Variants in GZF1 observed in about 807,000 individuals in gnomAD.
The protein encoded by GZF1 is GDNF-inducible zinc finger protein 1.
In GZF1, 28 loss-of-function variants were observed where a neutral mutation model predicts 49.4. The observed-to-expected ratio is 0.57, with a 90% CI of 0.42 to 0.78. GZF1 has a LOEUF of 0.78. Among genes scored for constraint, GZF1 ranks in the 30% least tolerant of loss-of-function variants. The pLI is 0.00. For missense variants in GZF1, 798 were observed against 916.2 expected (o/e 0.87, Z 1.67); for synonymous variants, 364 against 356.0 (o/e 1.02, Z -0.25).
At position 23,365,117 on chromosome 20, in the gene GZF1, G is replaced by A. The variant is rs749135517; in HGVS notation, c.734G>A (p.Arg245Gln). ...IPKKKYTRRL[R>Q]EQQKTAEGDV... ...AAAAAGAAATATACGAGAAGACTCCGAGAGCAGCAGAAAACTGCTGAGGGT... is the reference window on the plus strand; with the variant it reads ...AAAAAGAAATATACGAGAAGACTCCAAGAGCAGCAGAAAACTGCTGAGGGT... The change falls in exon 2 of 6, where the codon CGA becomes CAA. Residue 245 changes from arginine (R) to glutamine (Q), a missense_variant. This residue lies in a region of GZF1 where 247 missense variants were observed against 228.5 expected (regional missense o/e 1.08). Transcript: ENST00000338121. The A allele has an allele frequency of 1.1e-5, 18 of 1,614,002 alleles. No individual in the cohort carries two copies. Among genetic ancestry groups the A allele is most frequent in the Non-Finnish European group, 1.5e-5 (18 of 1,180,036 alleles).
chr20:23,369,346 T>A (rs1418293584), intron 4 of GZF1, among the ~76,000 whole-genome samples: 2 of 152,226 alleles, frequency 1.3e-5, no homozygotes, highest in African/African-American at 4.8e-5. Context: ...ATTCCTATAG[T>A]TATAATACCT....
Position 23,364,922 on chromosome 20 carries a change from C to G in GZF1, c.539C>G (p.Ser180Cys), listed in dbSNP as rs760991420. ...CCTCACCCCAGTGGTCTCACGGATTCCTTGGACTACCCAGGAGAGAGAGCC... is the reference window on the plus strand; with the variant it reads ...CCTCACCCCAGTGGTCTCACGGATTGCTTGGACTACCCAGGAGAGAGAGCC... ...DGPHPSGLTD[S>C]LDYPGERASN... The change falls in exon 2 of 6, where the codon TCC (serine) becomes TGC (cysteine). Residue 180 changes from serine to cysteine, a missense_variant. Ser to Cys is a moderately radical substitution (Grantham distance 112). Around this residue, in one of 3 missense-constraint regions of GZF1, gnomAD observed 247 missense variants for 228.5 expected, o/e 1.08. Coordinates refer to ENST00000338121, the MANE Select transcript of GZF1 (RefSeq NM_022482.5). 3.1e-6 allele frequency: 5 copies of G among 1,614,204 alleles called. No individual in the cohort carries two copies. The South Asian group carries it at 5.5e-5, about 18-fold the overall frequency.
At position 23,371,053 on chromosome 20, in the gene GZF1, C is replaced by CT. The variant is rs1810367098; in HGVS notation, c.*613dup. Reference sequence around the variant, plus strand: ...TTTGTAGGCAGTAAACAAAGTATGACTGACAGATTGAACACCTGCAAAACT... The same window carrying CT: ...TTTGTAGGCAGTAAACAAAGTATGACTTGACAGATTGAACACCTGCAAAACT... On this transcript the variant is annotated 3_prime_UTR_variant, in exon 6 of 6. Transcript: ENST00000338121. 1.3e-5 allele frequency: 2 copies of CT among 152,950 alleles called. No individual in the cohort carries two copies. The highest frequency in any genetic ancestry group is 1.3e-4 in the Admixed American group (2 of 15,278). The allele number at this position is 152,950 out of a possible 1,614,324, so 9.5% of individuals were successfully genotyped here. A position where few individuals can be genotyped will look rare whatever the true frequency, so the allele number is the denominator to read the frequency against.
intron 2 of GZF1, 87 bp downstream of exon 2, chr20:23,365,834 G>A: frequency 2.8e-6 from 4 of 1,428,304 alleles, no homozygotes; most frequent in Non-Finnish European, 3.7e-6. Flanking sequence ...ATGTCTCACT[G>A]CTTAATTTCT....
chr20:23,365,161 T>A lies in GZF1; in HGVS notation c.778T>A (p.Cys260Ser), dbSNP rs776851115. The A allele has an allele frequency of 1.2e-6, 2 of 1,613,532 alleles. No homozygotes were observed. Among genetic ancestry groups the A allele is most frequent in the Non-Finnish European group, 1.7e-6 (2 of 1,179,868 alleles). ...TGAGGGTGATGTGGGGGACTACAGG[T>A]GTCCCCAGGACCAAAGCCCGGACAG... ...TAEGDVGDYR[C>S]PQDQSPDRVG... The change falls in exon 2 of 6, where the codon TGT (cysteine) becomes AGT (serine). Residue 260 changes from cysteine (C) to serine (S), a missense_variant. Around this residue, in one of 3 missense-constraint regions of GZF1, gnomAD observed 247 missense variants for 228.5 expected, o/e 1.08. Transcript: ENST00000338121.
Position 23,365,557 on chromosome 20 carries a change from G to C in GZF1, c.1174G>C (p.Val392Leu), listed in dbSNP as rs1981234147. The change falls in exon 2 of 6, where the codon GTG (valine) becomes CTG (leucine). Residue 392 changes from valine to leucine, a missense_variant. By Grantham distance (32) the Val-to-Leu change is conservative. Around this residue, in one of 3 missense-constraint regions of GZF1, gnomAD observed 446 missense variants for 540.1 expected, o/e 0.83. Transcript: ENST00000338121. ...CGKKFKRKKD[V>L]KRHVLQVHEG... ...GAAGAAGTTCAAGCGCAAGAAGGAC[G>C]TGAAGCGGCACGTGCTGCAGGTGCA... 6.2e-7 allele frequency: 1 copy of C among 1,612,534 alleles called. No homozygotes were observed. Among genetic ancestry groups the C allele is most frequent in the African/African-American group, 1.3e-5 (1 of 74,944 alleles).
At position 23,365,739 on chromosome 20, in the gene GZF1, G is replaced by C. The variant is rs779583901; in HGVS notation, c.1356G>C (p.Thr452=). The change falls in exon 2 of 6, where the codon ACG becomes ACC. Residue 452 remains threonine (T), a synonymous_variant. Coordinates refer to ENST00000338121, the MANE Select transcript of GZF1 (RefSeq NM_022482.5). The stretch of plus-strand genomic sequence containing the variant: ...TCTCGCAGCCGTCCGCGCTCAAGAC[G>C]CACATGAGGTACGCGGGGAGCCGTC... ...ARFSQPSALK[T]HMRIHTGEKP... 1 of 1,536,426 alleles carries C rather than the reference G, an allele frequency of 6.5e-7. No individual in the cohort carries two copies. Among genetic ancestry groups the C allele is most frequent in the African/African-American group, 1.4e-5 (1 of 73,378 alleles).
chr20:23,365,584 G>A lies in GZF1; in HGVS notation c.1201G>A (p.Glu401Lys). 6.2e-7 allele frequency: 1 copy of A among 1,610,316 alleles called. No homozygotes were observed. Among genetic ancestry groups the A allele is most frequent in the Non-Finnish European group, 8.5e-7 (1 of 1,179,566 alleles). ...GAAGCGGCACGTGCTGCAGGTGCAT[G>A]AGGGCGGCGGCGAGCGGCACCGCTG... The part of the protein sequence containing the change: ...DVKRHVLQVH[E>K]GGGERHRCGQ... The change falls in exon 2 of 6, where the codon GAG (glutamate) becomes AAG (lysine). Residue 401 changes from glutamate to lysine, a missense_variant. Around this residue, in one of 3 missense-constraint regions of GZF1, gnomAD observed 446 missense variants for 540.1 expected, o/e 0.83. Transcript: ENST00000338121.
At chr20:23,364,297 C>T in intron 1 of GZF1, 66 bp from the exon 2 acceptor site, 1 of 874,490 alleles carries the variant, frequency 1.1e-6, no homozygotes, top group Middle Eastern at 3.2e-4. Context: ...CTGAAGGAAT[C>T]CTCATAAATT....
chr20:23,367,646 A>T (rs982636171), intron 3 of GZF1, among the ~76,000 whole-genome samples: 3 of 152,250 alleles, frequency 2.0e-5, no homozygotes, highest in African/African-American at 7.2e-5. Flanking sequence ...TTGTATTGAA[A>T]ACCTGCACAT....
rs1308497037 is a variant in GZF1, at chr20:23,365,420, T to G, written c.1037T>G (p.Val346Gly). The change falls in exon 2 of 6, where the codon GTG becomes GGG. Residue 346 changes from valine (V) to glycine (G), a missense_variant. Coordinates refer to ENST00000338121, the MANE Select transcript of GZF1 (RefSeq NM_022482.5). ...CACCGCCACGGCGTGGCCACCGAGG[T>G]GGTGTACCGCTGCGACACCTGCGGC... ...SKHRHGVATE[V>G]VYRCDTCGQT... 5 of 1,613,676 alleles carry G rather than the reference T, an allele frequency of 3.1e-6. No homozygotes were observed. The highest frequency in any genetic ancestry group is 3.4e-6 in the Non-Finnish European group (4 of 1,180,014).
Position 23,365,207 on chromosome 20 carries a change from A to T in GZF1, c.824A>T (p.Gln275Leu), listed in dbSNP as rs6048760. The T allele has an allele frequency of 1.2e-6, 2 of 1,602,588 alleles. No homozygotes were observed. Among genetic ancestry groups the T allele is most frequent in the African/African-American group, 1.3e-5 (1 of 74,252 alleles). The change falls in exon 2 of 6, where the codon CAG (glutamine) becomes CTG (leucine). Residue 275 changes from glutamine (Q) to leucine (L), a missense_variant. By Grantham distance (113) the Gln-to-Leu change is moderately radical. Coordinates refer to ENST00000338121, the MANE Select transcript of GZF1 (RefSeq NM_022482.5). Reference protein sequence around the residue: ...SPDRVGTEMEQVSKNEGCQAG... With the variant: ...SPDRVGTEMELVSKNEGCQAG... ...GACAGGGTGGGCACGGAGATGGAGCAGGTTTCCAAAAATGAGGGTTGCCAG... is the reference window on the plus strand; with the variant it reads ...GACAGGGTGGGCACGGAGATGGAGCTGGTTTCCAAAAATGAGGGTTGCCAG...
chr20:23,367,158 A>G, intron 3 of GZF1, 61 bp downstream of exon 3: 1 of 1,247,890 alleles, frequency 8.0e-7, no homozygotes, highest in Non-Finnish European at 1.2e-6. Flanking sequence ...AATGCAATTG[A>G]TTAATTTTGA....
Position 23,370,180 on chromosome 20 carries a change from TGAC to T in GZF1, c.1878_1880del (p.Asp626del). 1.9e-6 allele frequency: 3 copies of T among 1,614,260 alleles called. No individual in the cohort carries two copies. The highest frequency in any genetic ancestry group is 2.5e-6 in the Non-Finnish European group (3 of 1,180,048). The stretch of plus-strand genomic sequence containing the variant: ...ATGACGGACACAAGACTGAACAGCC[TGAC>T]GAAGAGTATGTGTCATCCAAGCTTT... On this transcript the variant is annotated inframe_deletion, in exon 6 of 6. Transcript: ENST00000338121.
chr20:23,370,129 C>A lies in GZF1; in HGVS notation c.1824C>A (p.Val608=). 6.2e-7 allele frequency: 1 copy of A among 1,614,210 alleles called. No individual in the cohort carries two copies. The highest frequency in any genetic ancestry group is 8.5e-7 in the Non-Finnish European group (1 of 1,180,026). The change falls in exon 6 of 6, where the codon GTC becomes GTA. Residue 608 remains valine (V), a synonymous_variant. Transcript: ENST00000338121. ...ATACTCCATGGAAGTCTTTCCTTGT[C>A]ATTGTAGATGGCTCGCCCAAGAACG... is the stretch of plus-strand genomic sequence containing the variant. The part of the protein sequence containing the change: ...DKNTPWKSFL[V]IVDGSPKNDD...
upstream of GZF1, among the ~76,000 whole-genome samples, chr20:23,361,828 G>A (rs1042451103): frequency 6.6e-5 from 10 of 152,350 alleles, no homozygotes; most frequent in East Asian, 1.9e-3. Flanking sequence ...CTTGCGGCCA[G>A]AAGCCCGGAA....
chr20:23,365,549 A>G lies in GZF1; in HGVS notation c.1166A>G (p.Lys389Arg), dbSNP rs1250477020. Residue 389 changes from lysine to arginine, a missense_variant, in exon 2 of 6, where the codon AAG becomes AGG. Physicochemically the swap from Lys to Arg is conservative, Grantham distance 26. Coordinates refer to ENST00000338121, the MANE Select transcript of GZF1 (RefSeq NM_022482.5). ...CELCGKKFKR[K>R]KDVKRHVLQV... The stretch of plus-strand genomic sequence containing the variant: ...CTGTGCGGGAAGAAGTTCAAGCGCA[A>G]GAAGGACGTGAAGCGGCACGTGCTG... The G allele has an allele frequency of 3.1e-6, 5 of 1,613,108 alleles. No individual in the cohort carries two copies. Among genetic ancestry groups the G allele is most frequent in the Non-Finnish European group, 4.2e-6 (5 of 1,179,744 alleles).
Position 23,371,682 on chromosome 20 carries a change from G to C in GZF1, c.*1241G>C, listed in dbSNP as rs1444776560. The stretch of plus-strand genomic sequence containing the variant: ...CCTTGAGTATGTGCCACGTGCTTGT[G>C]AAATGCTATGATTCACATGTAACAT... On this transcript the variant is annotated 3_prime_UTR_variant, in exon 6 of 6. Coordinates refer to ENST00000338121, the MANE Select transcript of GZF1 (RefSeq NM_022482.5). 1 of 152,556 alleles carries C rather than the reference G, an allele frequency of 6.6e-6. No homozygotes were observed. The highest frequency in any genetic ancestry group is 2.4e-5 in the African/African-American group (1 of 41,440). 9.5% of individuals were successfully genotyped at this position (152,556 alleles called of 1,614,324 possible).
chr20:23,370,389 CACAG>C lies in GZF1; in HGVS notation c.2091_2094del (p.Asp698ArgfsTer9), dbSNP rs1981962598. ...ATCAGTGAGCTTAGCGAGCTGACCC[CACAG>C]ACAGACTCGATGCCCACACAGCTTC... On this transcript the variant is annotated frameshift_variant, in exon 6 of 6. Coordinates refer to ENST00000338121, the MANE Select transcript of GZF1 (RefSeq NM_022482.5). LOFTEE classifies it high-confidence loss of function. 7 of 1,613,992 alleles carry C rather than the reference CACAG, an allele frequency of 4.3e-6. No homozygotes were observed. The highest frequency in any genetic ancestry group is 2.2e-5 in the South Asian group (2 of 91,064).
Sources: allele counts gnomAD v4.1 joint callset (sites outside exome capture counted in the v4.1 genomes callset), GRCh38; gene constraint gnomAD v4.1.1; regional missense constraint gnomAD v4.1.1; transcripts MANE v1.5; gene names NCBI Gene and HGNC (gene_info 2026-07-23, HGNC 2026-07-21).